The following ZNF264 variants were observed in gnomAD, a reference collection of about 807,000 sequenced individuals.
ZNF264 encodes the protein zinc finger protein 264.
Under a neutral mutation model 11.2 loss-of-function variants are expected in ZNF264, and 11 were observed. The observed-to-expected ratio is 0.98, with a 90% CI of 0.62 to 1.63. The LOEUF is 1.63. Among genes scored for constraint, ZNF264 ranks in the 40% most tolerant of loss-of-function variants. The probability of loss-of-function intolerance (pLI) is 0.00; values close to 1 mark genes in which losing one functional copy is unlikely to be tolerated. For missense variants in ZNF264, 752 were observed against 768.1 expected (o/e 0.98, Z 0.25); for synonymous variants, 309 against 279.8 (o/e 1.10, Z -1.04).
At chr19:57,205,985 C>A (rs536180077) in intron 3 of ZNF264, among the ~76,000 whole-genome samples, 216 of 152,328 alleles carry the variant, frequency 1.4e-3, no homozygotes, top group Non-Finnish European at 2.6e-3. Flanking sequence ...GACCCAGGTT[C>A]CTTCTGTCAT....
At position 57,195,923 on chromosome 19, in the gene ZNF264, G is replaced by A. The variant is rs1034496175; in HGVS notation, c.160+1922G>A. 7.2e-5 allele frequency among the ~76,000 whole-genome samples: 11 copies of A among 151,782 alleles called. 1 individual carries two copies. Among genetic ancestry groups the A allele is most frequent in the African/African-American group, 2.4e-4 (10 of 41,088 alleles). ...AATAGGAAGCAAAATTTTGCTAGTT[G>A]ATCACTAGGGATGATGTTGAGTGGT... On this transcript the variant is annotated intron_variant, in intron 2 of 3. Transcript: ENST00000263095.
chr19:57,191,903 G>A lies in ZNF264; in HGVS notation c.-11G>A. The A allele has an allele frequency of 1.3e-6, 2 of 1,501,542 alleles. No individual in the cohort carries two copies. The highest frequency in any genetic ancestry group is 8.9e-7 in the Non-Finnish European group (1 of 1,123,746). The allele number at this position is 1,501,542 out of a possible 1,614,324, so 93.0% of individuals were successfully genotyped here. ...CCTCTGTCCCAGCTCTGCGGCCCAG[G>A]GGGTGACGTGATGGCGGCAGCGGTG... On this transcript the variant is annotated 5_prime_UTR_variant, in exon 1 of 4. Coordinates refer to ENST00000263095, the MANE Select transcript of ZNF264 (RefSeq NM_003417.5).
Position 57,212,198 on chromosome 19 carries a change from G to C in ZNF264, c.1101G>C (p.Gly367=). The C allele has an allele frequency of 6.2e-7, 1 of 1,614,124 alleles. No homozygotes were observed. The highest frequency in any genetic ancestry group is 8.5e-7 in the Non-Finnish European group (1 of 1,180,022). ...TGTGGCACCAGCAGACTCATACCGGGGAGAAGCCCTATGAGTGCAGTGAAT... is the reference window on the plus strand; with the variant it reads ...TGTGGCACCAGCAGACTCATACCGGCGAGAAGCCCTATGAGTGCAGTGAAT... ...YLMWHQQTHT[G]EKPYECSECG... Residue 367 remains glycine, a synonymous_variant, in exon 4 of 4, where the codon GGG becomes GGC. Coordinates refer to ENST00000263095, the MANE Select transcript of ZNF264 (RefSeq NM_003417.5).
At chr19:57,192,481 C>T (rs2087181258) in intron 1 of ZNF264, 2 of 985,384 alleles carry the variant, frequency 2.0e-6, no homozygotes, top group Non-Finnish European at 2.4e-6. Flanking sequence ...CCTGCATTAT[C>T]CTTGGCCGCT....
intron 2 of ZNF264, among the ~76,000 whole-genome samples, chr19:57,197,236 CACATATATACCACTTT>C (rs1311410923): frequency 6.6e-6 from 1 of 151,812 alleles, no homozygotes; most frequent in Non-Finnish European, 1.5e-5. Flanking sequence ...TGAGCCCAAT[CACATATATACCACTTT>C]CATCTGATGA....
In ZNF264 at chr19:57,211,438, C is replaced by CA. The variant is rs1714469977; in HGVS notation, c.342dup (p.Gln115ThrfsTer43). On this transcript the variant is annotated frameshift_variant, in exon 4 of 4. Coordinates refer to ENST00000263095, the MANE Select transcript of ZNF264 (RefSeq NM_003417.5). LOFTEE classifies it low-confidence loss of function (END_TRUNC). Reference sequence around the variant, plus strand: ...GGAATCTCACTTCAGGGACAAGTGACACAAGGAAACTCAGTGGACTCACAG... The same window carrying CA: ...GGAATCTCACTTCAGGGACAAGTGACAACAAGGAAACTCAGTGGACTCACAG... The CA allele has an allele frequency of 1.2e-6, 2 of 1,613,990 alleles. No individual in the cohort carries two copies. Among genetic ancestry groups the CA allele is most frequent in the South Asian group, 2.2e-5 (2 of 91,092 alleles).
rs1441607386 is a variant in ZNF264, at chr19:57,213,368, T to G, written c.*387T>G. 1 of 168,760 alleles carries G rather than the reference T, an allele frequency of 5.9e-6. No individual in the cohort carries two copies. Among genetic ancestry groups the G allele is most frequent in the Non-Finnish European group, 1.3e-5 (1 of 76,896 alleles). 10.5% of individuals were successfully genotyped at this position (168,760 alleles called of 1,614,324 possible). A position where few individuals can be genotyped will look rare whatever the true frequency, so the allele number is the denominator to read the frequency against. On this transcript the variant is annotated 3_prime_UTR_variant, in exon 4 of 4. Transcript: ENST00000263095. Reference sequence around the variant, plus strand: ...CTATCCAGTGTCAGAACAGTTAGTTTAGGAAAAGTATGCAAACTTTAATCG... The same window carrying G: ...CTATCCAGTGTCAGAACAGTTAGTTGAGGAAAAGTATGCAAACTTTAATCG...
intron 2 of ZNF264, among the ~76,000 whole-genome samples, chr19:57,203,726 C>A (rs933234791): frequency 1.3e-5 from 2 of 152,106 alleles, no homozygotes; most frequent in African/African-American, 4.8e-5. Context: ...ACTGAACCTG[C>A]CCCTCCCCCT....
In ZNF264 at chr19:57,211,919, T is replaced by G; in HGVS notation, c.822T>G (p.Leu274=). Residue 274 remains leucine (L), a synonymous_variant, in exon 4 of 4, where the codon CTT becomes CTG. Coordinates refer to ENST00000263095, the MANE Select transcript of ZNF264 (RefSeq NM_003417.5). ...CGKAFNRKSY[L]TQHQRIHSGE... is the part of the protein sequence containing the mutation. The stretch of plus-strand genomic sequence containing the variant: ...AGGCCTTCAACCGCAAGTCATACCT[T>G]ACCCAGCACCAGCGGATTCACAGTG... 1 of 1,612,946 alleles carries G rather than the reference T, an allele frequency of 6.2e-7. No homozygotes were observed. The highest frequency in any genetic ancestry group is 8.5e-7 in the Non-Finnish European group (1 of 1,179,710).
chr19:57,220,499 A>C lies in ZNF264; in HGVS notation c.*7518A>C, dbSNP rs778577696. 1.3e-5 allele frequency: 2 copies of C among 152,094 alleles called. No individual in the cohort carries two copies. Among genetic ancestry groups the C allele is most frequent in the African/African-American group, 2.4e-5 (1 of 41,388 alleles). The allele number at this position is 152,094 out of a possible 1,614,324, so 9.4% of individuals were successfully genotyped here. A position where few individuals can be genotyped will look rare whatever the true frequency, so the allele number is the denominator to read the frequency against. ...ATCTTGTTGCCCAAGCCACATTGCA[A>C]CCACCTCTTTTTCTCTTACCTCGTC... is the stretch of plus-strand genomic sequence containing the variant. On this transcript the variant is annotated 3_prime_UTR_variant, in exon 4 of 4. Transcript: ENST00000263095.
intron 1 of ZNF264, among the ~76,000 whole-genome samples, chr19:57,193,014 A>G (rs559219547): frequency 1.3e-5 from 2 of 152,234 alleles, no homozygotes. Context: ...TACATGCATG[A>G]GCCACCATGC....
Position 57,215,766 on chromosome 19 carries a change from G to A in ZNF264, c.*2785G>A, listed in dbSNP as rs2087375921. 1 of 151,998 alleles carries A rather than the reference G, an allele frequency of 6.6e-6. No homozygotes were observed. The allele number at this position is 151,998 out of a possible 1,614,324, so 9.4% of individuals were successfully genotyped here. A position where few individuals can be genotyped will look rare whatever the true frequency, so the allele number is the denominator to read the frequency against. ...TTATTTTTTGAGACATTCTCTCTTAGCCATGAATTATTTAATAGTATGCTT... is the reference window on the plus strand; with the variant it reads ...TTATTTTTTGAGACATTCTCTCTTAACCATGAATTATTTAATAGTATGCTT... On this transcript the variant is annotated 3_prime_UTR_variant, in exon 4 of 4. Coordinates refer to ENST00000263095, the MANE Select transcript of ZNF264 (RefSeq NM_003417.5).
chr19:57,221,791 A>T lies in ZNF264; in HGVS notation c.*8810A>T, dbSNP rs12984575. On this transcript the variant is annotated 3_prime_UTR_variant, in exon 4 of 4. Coordinates refer to ENST00000263095, the MANE Select transcript of ZNF264 (RefSeq NM_003417.5). ...CGTTATCCCCCTTTCAGCTGGGGGG[A>T]AAAAAAGGCACCGAAAAACAGGGCA... 6.6e-6 allele frequency: 1 copy of T among 151,568 alleles called. No homozygotes were observed. 9.4% of individuals were successfully genotyped at this position (151,568 alleles called of 1,614,324 possible).
chr19:57,202,434 G>T (rs1233388397), intron 2 of ZNF264, among the ~76,000 whole-genome samples: 2 of 151,880 alleles, frequency 1.3e-5, no homozygotes, highest in Non-Finnish European at 2.9e-5. Flanking sequence ...CACCGTTCCT[G>T]ATTCATAACC....
At chr19:57,192,258 C>A (rs1393246897) in intron 1 of ZNF264, 12 of 831,954 alleles carry the variant, frequency 1.4e-5, no homozygotes, top group Non-Finnish European at 1.6e-5. Flanking sequence ...AAGGGGAGGG[C>A]AGGGCAGTAG....
intron 2 of ZNF264, among the ~76,000 whole-genome samples, chr19:57,200,827 G>A (rs1373309283): frequency 4.0e-5 from 6 of 151,696 alleles, no homozygotes; most frequent in Admixed American, 1.3e-4. Context: ...GGCCAGGCTC[G>A]CCTCGAACTC....
chr19:57,218,301 A>G lies in ZNF264; in HGVS notation c.*5320A>G, dbSNP rs991418541. The G allele has an allele frequency of 1.3e-5, 2 of 152,128 alleles. No individual in the cohort carries two copies. The highest frequency in any genetic ancestry group is 2.4e-5 in the African/African-American group (1 of 41,430). The allele number at this position is 152,128 out of a possible 1,614,324, so 9.4% of individuals were successfully genotyped here. A position where few individuals can be genotyped will look rare whatever the true frequency, so the allele number is the denominator to read the frequency against. ...AGAGATGTATCTCTCTGTTCTGTAC[A>G]TTATTGTTTAATATAAGAAACCTAC... is the stretch of plus-strand genomic sequence containing the variant. On this transcript the variant is annotated 3_prime_UTR_variant, in exon 4 of 4. Transcript: ENST00000263095.
rs1006340669 is a variant in ZNF264 at position 57,200,832 on chromosome 19, G to A, written c.161-4565G>A. Among the ~76,000 whole-genome samples the A allele has an allele frequency of 1.1e-4, 17 of 151,778 alleles. 1 individual carries two copies. Among genetic ancestry groups the A allele is most frequent in the African/African-American group, 3.6e-4 (15 of 41,222 alleles). ...TTGCCATGTTGGCCAGGCTCGCCTC[G>A]AACTCCTGAGCTGAAGTGATCCATC... On this transcript the variant is annotated intron_variant, in intron 2 of 3. Transcript: ENST00000263095.
At position 57,221,720 on chromosome 19, in the gene ZNF264, C is replaced by G. The variant is rs1185228577; in HGVS notation, c.*8739C>G. 2 of 152,160 alleles carry G rather than the reference C, an allele frequency of 1.3e-5. No individual in the cohort carries two copies. The highest frequency in any genetic ancestry group is 1.5e-5 in the Non-Finnish European group (1 of 68,028). 9.4% of individuals were successfully genotyped at this position (152,160 alleles called of 1,614,324 possible). A position where few individuals can be genotyped will look rare whatever the true frequency, so the allele number is the denominator to read the frequency against. ...ATGTTTTCTAGCACATCCCACAATT[C>G]TGGACTTCCAGAAGGTTAGCAGGGG... On this transcript the variant is annotated 3_prime_UTR_variant, in exon 4 of 4. Coordinates refer to ENST00000263095, the MANE Select transcript of ZNF264 (RefSeq NM_003417.5).
Sources: allele counts gnomAD v4.1 joint callset (sites outside exome capture counted in the v4.1 genomes callset), GRCh38; gene constraint gnomAD v4.1.1; transcripts MANE v1.5; gene names NCBI Gene and HGNC (gene_info 2026-07-23, HGNC 2026-07-21).